The following DNASE1L3 variants were observed in gnomAD, a reference collection of about 807,000 sequenced individuals.
DNASE1L3 encodes the protein deoxyribonuclease gamma.
A neutral mutation model predicts 30.9 loss-of-function variants in DNASE1L3; 27 were observed. That is an observed-to-expected ratio of 0.87 (90% CI 0.64 to 1.20). DNASE1L3 has a LOEUF of 1.20. Among genes scored for constraint, DNASE1L3 ranks in the 50% most tolerant of loss-of-function variants. The pLI is 0.00. For synonymous variants in DNASE1L3, 135 were observed against 138.0 expected (o/e 0.98, Z 0.15); for missense variants, 364 against 378.2 (o/e 0.96, Z 0.31).
At chr3:58,195,767 C>T (rs1484015886) in intron 6 of DNASE1L3, among the ~76,000 whole-genome samples, 14 of 151,734 alleles carry the variant, frequency 9.2e-5, no homozygotes, top group Non-Finnish European at 2.1e-4. Flanking sequence ...GCCTGGGCGA[C>T]AGAGCAGGAC....
At chr3:58,193,319 A>G (rs1575494436) in intron 7 of DNASE1L3, 24 bp downstream of exon 7, 1 of 1,609,842 alleles carries the variant, frequency 6.2e-7, no homozygotes, top group Non-Finnish European at 8.5e-7. Context: ...ACAATGGCAT[A>G]GAAAGACAAG....
At position 58,194,750 on chromosome 3, in the gene DNASE1L3, C is replaced by G. The variant is rs536883386; in HGVS notation, c.705-1311G>C. ...ATGCCATTCTCCTGCCTCAGCCTCC[C>G]GAGTAGCTGGGACTACAGGTGCCCG... On this transcript the variant is annotated intron_variant, in intron 6 of 7. Coordinates refer to ENST00000394549, the MANE Select transcript of DNASE1L3 (RefSeq NM_004944.4). Among the ~76,000 whole-genome samples the G allele has an allele frequency of 2.8e-4, 43 of 151,714 alleles. No homozygotes were observed. The South Asian group carries it at 8.6e-3, about 30-fold the overall frequency.
chr3:58,203,268 T>A (rs2097401940), intron 4 of DNASE1L3, among the ~76,000 whole-genome samples: 2 of 152,146 alleles, frequency 1.3e-5, no homozygotes, highest in Non-Finnish European at 2.9e-5. Context: ...CACTCCTCCA[T>A]CCTCTTTTTG....
In DNASE1L3 at chr3:58,197,177, T is replaced by G. The variant is rs1174911077; in HGVS notation, c.704+644A>C. On this transcript the variant is annotated intron_variant, in intron 6 of 7. Transcript: ENST00000394549. The surrounding 1 kb of genome is among the most constrained non-coding windows in gnomAD (Gnocchi z 5.3). ...TATTTCATTTACTCCACATCGGATC[T>G]TCATGAGTGAGGCACTAGGATAACT... Among the ~76,000 whole-genome samples the G allele has an allele frequency of 6.6e-6, 1 of 152,188 alleles. No homozygotes were observed. The highest frequency in any genetic ancestry group is 2.4e-5 in the African/African-American group (1 of 41,446).
At chr3:58,206,075 A>G (rs1196366403) in intron 2 of DNASE1L3, among the ~76,000 whole-genome samples, 6 of 152,156 alleles carry the variant, frequency 3.9e-5, no homozygotes, top group Admixed American at 6.5e-5. Context: ...GCCATCAGGC[A>G]TTTTTTTACA....
chr3:58,204,672 C>T, intron 4 of DNASE1L3, 97 bp downstream of exon 4: 1 of 960,380 alleles, frequency 1.0e-6, no homozygotes, highest in Non-Finnish European at 1.6e-6. Context: ...CTGTCACATC[C>T]AGCCTAATGC....
intron 4 of DNASE1L3, among the ~76,000 whole-genome samples, chr3:58,203,809 A>AG (rs2107376833): frequency 6.6e-6 from 1 of 152,086 alleles, no homozygotes; most frequent in South Asian, 2.1e-4. Context: ...CAAAAACAGA[A>AG]GAAAAAAAAA....
At position 58,197,932 on chromosome 3, in the gene DNASE1L3, G is replaced by A; in HGVS notation, c.593C>T (p.Pro198Leu). 1 of 1,613,786 alleles carries A rather than the reference G, an allele frequency of 6.2e-7. No homozygotes were observed. Among genetic ancestry groups the A allele is most frequent in the East Asian group, 2.2e-5 (1 of 44,878 alleles). The change falls in exon 6 of 8, where the codon CCC becomes CTC. Residue 198 changes from proline (P) to leucine (L), a missense_variant. Pro to Leu is a moderately conservative substitution (Grantham distance 98). Coordinates refer to ENST00000394549, the MANE Select transcript of DNASE1L3 (RefSeq NM_004944.4). This position sits in a 1 kb window ranked among gnomAD's most constrained non-coding sequence, Gnocchi z 5.3. Reference protein sequence around the residue: ...GDFNAGCSYVPKKAWKNIRLR... With the variant: ...GDFNAGCSYVLKKAWKNIRLR... ...GCGGATGTTCTTCCAGGCCTTCTTG[G>A]GGACGTAGCTGCAGCCGGCATTGAA...
Position 58,210,890 on chromosome 3 carries a change from G to A in DNASE1L3, c.17C>T (p.Ala6Val). MSRELAPLLLLLLSIH... is the reference protein window; with the variant it reads MSRELVPLLLLLLSIH... ...GGAGAGGAGGAGAAGCAGCAGTGGG[G>A]CCAGCTCCCGTGACATCCTGGCGCT... Residue 6 changes from alanine (A) to valine (V), a missense_variant, in exon 1 of 8, where the codon GCC (alanine) becomes GTC (valine). Ala to Val is a moderately conservative substitution (Grantham distance 64). Transcript: ENST00000394549. 6.2e-7 allele frequency: 1 copy of A among 1,613,888 alleles called. No homozygotes were observed. Among genetic ancestry groups the A allele is most frequent in the Middle Eastern group, 1.7e-4 (1 of 5,896 alleles).
intron 5 of DNASE1L3, among the ~76,000 whole-genome samples, chr3:58,199,307 A>T (rs1422371567): frequency 1.3e-5 from 2 of 152,206 alleles, no homozygotes; most frequent in African/African-American, 4.8e-5. Flanking sequence ...ACTTCTATAG[A>T]AACAGGATTG....
intron 1 of DNASE1L3, among the ~76,000 whole-genome samples, chr3:58,210,296 AAGAG>A (rs756541491): frequency 6.4e-4 from 97 of 152,202 alleles, no homozygotes; most frequent in African/African-American, 2.3e-3. Flanking sequence ...AAGAAAAGGA[AAGAG>A]AGAGAAAGGA....
rs1320165388 is a variant in DNASE1L3 at position 58,204,805 on chromosome 3, C to T, written c.397G>A (p.Glu133Lys). 5 of 1,614,120 alleles carry T rather than the reference C, an allele frequency of 3.1e-6. No homozygotes were observed. The East Asian group carries it at 8.9e-5, about 29-fold the overall frequency. Reference protein sequence around the residue: ...QDGDADVFSREPFVVWFQSPH... With the variant: ...QDGDADVFSRKPFVVWFQSPH... The stretch of plus-strand genomic sequence containing the variant: ...GATTGGAACCAGACCACAAAGGGCT[C>T]CCTGGAAAACACATCTGCGTCTCCA... The change falls in exon 4 of 8, where the codon GAG (glutamate) becomes AAG (lysine). Residue 133 changes from glutamate (E) to lysine (K), a missense_variant. Physicochemically the swap from Glu to Lys is moderately conservative, Grantham distance 56. Coordinates refer to ENST00000394549, the MANE Select transcript of DNASE1L3 (RefSeq NM_004944.4).
At chr3:58,204,959 C>T (rs2097403017) in intron 3 of DNASE1L3, 78 bp from the exon 4 acceptor site, 1 of 1,363,714 alleles carries the variant, frequency 7.3e-7, no homozygotes, top group Non-Finnish European at 1.0e-6. Flanking sequence ...GATGTAGGTT[C>T]CCATGGCTTT....
chr3:58,210,651 G>C lies in DNASE1L3; in HGVS notation c.141+115C>G, dbSNP rs2097407148. 21 of 1,499,564 alleles carry C rather than the reference G, an allele frequency of 1.4e-5. No homozygotes were observed. In the South Asian group the frequency reaches 2.2e-4, roughly 16 times the overall value. 92.9% of individuals were successfully genotyped at this position (1,499,564 alleles called of 1,614,324 possible). A position where few individuals can be genotyped will look rare whatever the true frequency, so the allele number is the denominator to read the frequency against. On this transcript the variant is annotated intron_variant, in intron 1 of 7. Coordinates refer to ENST00000394549, the MANE Select transcript of DNASE1L3 (RefSeq NM_004944.4). ...TTGAAGTGGTTATTGTTCCAAGCCA[G>C]CTTCTACATTCCCCCTAAGGGCCAA...
intron 1 of DNASE1L3, among the ~76,000 whole-genome samples, 174 bp downstream of exon 1, chr3:58,210,592 C>T (rs1198072800): frequency 2.6e-5 from 4 of 152,208 alleles, no homozygotes; most frequent in Admixed American, 6.5e-5. Flanking sequence ...TGTTATCACC[C>T]CTGTTTTAAG....
intron 6 of DNASE1L3, among the ~76,000 whole-genome samples, chr3:58,196,637 C>T (rs1459008611): frequency 2.0e-5 from 3 of 150,980 alleles, no homozygotes; most frequent in African/African-American, 7.3e-5. Context: ...CCATCTCACA[C>T]TTCCTCGTGG....
chr3:58,198,503 C>T (rs150215094), intron 5 of DNASE1L3, among the ~76,000 whole-genome samples: 1 of 152,274 alleles, frequency 6.6e-6, no homozygotes, highest in African/African-American at 2.4e-5. Flanking sequence ...AATATAAGGT[C>T]TTTAAAAATT....
At position 58,204,806 on chromosome 3, in the gene DNASE1L3, C is replaced by T; in HGVS notation, c.396G>A (p.Arg132=). The change falls in exon 4 of 8, where the codon AGG becomes AGA. Residue 132 remains arginine, a synonymous_variant. Transcript: ENST00000394549. ...YQDGDADVFS[R]EPFVVWFQSP... ...ATTGGAACCAGACCACAAAGGGCTC[C>T]CTGGAAAACACATCTGCGTCTCCAT... is the stretch of plus-strand genomic sequence containing the variant. 1 of 1,614,160 alleles carries T rather than the reference C, an allele frequency of 6.2e-7. No individual in the cohort carries two copies. The highest frequency in any genetic ancestry group is 8.5e-7 in the Non-Finnish European group (1 of 1,180,016).
chr3:58,202,577 G>C (rs531772739), intron 4 of DNASE1L3, among the ~76,000 whole-genome samples: 39 of 152,042 alleles, frequency 2.6e-4, no homozygotes, highest in African/African-American at 9.4e-4. Flanking sequence ...AAATTGGCCA[G>C]GCGTGTTGGC....
Sources: gnomAD v4.1 joint callset for allele counts (sites outside exome capture counted in the v4.1 genomes callset) on GRCh38, gnomAD v4.1.1 for gene constraint, Gnocchi (gnomAD v3.1) non-coding constraint, MANE v1.5 for transcripts, NCBI Gene and HGNC (gene_info 2026-07-23, HGNC 2026-07-21) for gene names.